Variants in PAG1 observed in about 807,000 individuals in gnomAD.
PAG1 encodes the protein phosphoprotein membrane anchor with glycosphingolipid microdomains 1, also known as phosphoprotein associated with glycosphingolipid-enriched microdomains 1.
A neutral mutation model predicts 31.7 loss-of-function variants in PAG1; 23 were observed. The ratio of observed to expected loss-of-function variants is 0.73; its 90% CI spans 0.52 to 1.03. PAG1 has a LOEUF of 1.03. Ranked by LOEUF, PAG1 falls within the 50% of genes least tolerant of loss-of-function variation. The pLI is 0.00. For synonymous variants in PAG1, 214 were observed against 210.3 expected, an observed-to-expected ratio of 1.02 and a Z score of -0.15; for missense variants, 473 against 540.7, an observed-to-expected ratio of 0.87 and a Z score of 1.24.
chr8:81,033,756 T>G (rs1043348120), intron 2 of PAG1, among the ~76,000 whole-genome samples: 1 of 152,204 alleles, frequency 6.6e-6, no homozygotes, highest in East Asian at 1.9e-4. Flanking sequence ...TTGTTCTGGC[T>G]AAAGCCACCC....
chr8:80,985,496 G>T, intron 6 of PAG1, 119 bp from the exon 7 acceptor site: 1 of 1,012,098 alleles, frequency 9.9e-7, no homozygotes, highest in Non-Finnish European at 1.4e-6. Flanking sequence ...TAAGTCTCAG[G>T]CACAAATTAT....
chr8:81,074,254 T>C (rs1563420711), intron 1 of PAG1, among the ~76,000 whole-genome samples: 2 of 151,790 alleles, frequency 1.3e-5, no homozygotes, highest in African/African-American at 4.8e-5. Context: ...CACTCACCAG[T>C]GTAGGTGAAG....
At chr8:80,979,374 G>A (rs1401275665) in intron 8 of PAG1, among the ~76,000 whole-genome samples, 1 of 152,196 alleles carries the variant, frequency 6.6e-6, no homozygotes, top group East Asian at 1.9e-4. Context: ...GCCGCAGTGG[G>A]CTTGAGGGAG....
At position 80,980,468 on chromosome 8, in the gene PAG1, A is replaced by G; in HGVS notation, c.903T>C (p.Ser301=). 1 of 1,608,436 alleles carries G rather than the reference A, an allele frequency of 6.2e-7. No homozygotes were observed. The highest frequency in any genetic ancestry group is 8.5e-7 in the Non-Finnish European group (1 of 1,174,872). ...NKRFSSLSYK[S]REEDPTLTEE... ...CTGTGAGAGTGGGGTCTTCTTCCCG[A>G]GACTTGTATGACAATGAGCTAAATC... Residue 301 remains serine, a synonymous_variant, in exon 8 of 9, where the codon TCT becomes TCC. Transcript: ENST00000220597.
intron 3 of PAG1, 23 bp from the exon 4 acceptor site, chr8:80,993,330 G>A: frequency 8.3e-7 from 1 of 1,203,284 alleles, no homozygotes; most frequent in Admixed American, 2.3e-5. Flanking sequence ...CAGTGCGTTT[G>A]GAGAGTAATT....
intron 3 of PAG1, among the ~76,000 whole-genome samples, chr8:81,021,689 G>A (rs183339053): frequency 1.3e-5 from 2 of 152,030 alleles, no homozygotes; most frequent in African/African-American, 4.8e-5. Context: ...TGTTAATGAA[G>A]TAATCTGTGG....
intron 1 of PAG1, among the ~76,000 whole-genome samples, chr8:81,098,440 T>C (rs1228820742): frequency 6.6e-6 from 1 of 152,178 alleles, no homozygotes; most frequent in African/African-American, 2.4e-5. Flanking sequence ...AAATTTACTC[T>C]AGTGGATTCT....
chr8:81,073,022 C>A (rs949020421), intron 1 of PAG1, among the ~76,000 whole-genome samples: 1 of 152,198 alleles, frequency 6.6e-6, no homozygotes, highest in African/African-American at 2.4e-5. Context: ...GCCTTTCCTT[C>A]ACTTTCAGTA....
intron 1 of PAG1, among the ~76,000 whole-genome samples, chr8:81,082,866 C>T (rs1809291537): frequency 6.6e-6 from 1 of 151,822 alleles, no homozygotes. Context: ...CCTTAGCAGA[C>T]AATTCTAACA....
intron 1 of PAG1, among the ~76,000 whole-genome samples, chr8:81,085,737 AC>A (rs1809340651): frequency 6.6e-6 from 1 of 152,190 alleles, no homozygotes; most frequent in African/African-American, 2.4e-5. Context: ...GGTGCCTGAG[AC>A]CTAAAAATAA....
At chr8:81,000,937 G>A (rs910265394) in intron 3 of PAG1, among the ~76,000 whole-genome samples, 1 of 152,118 alleles carries the variant, frequency 6.6e-6, no homozygotes, top group African/African-American at 2.4e-5. Context: ...TCTCTGCAAT[G>A]ACAATTTCAC....
chr8:80,983,976 A>G (rs1807360757), intron 7 of PAG1, among the ~76,000 whole-genome samples: 1 of 152,232 alleles, frequency 6.6e-6, no homozygotes, highest in South Asian at 2.1e-4. Flanking sequence ...GCCATGAACT[A>G]CGGAAGGTTT....
intron 3 of PAG1, 194 bp downstream of exon 3, chr8:81,029,802 T>G (rs1455117460): frequency 6.6e-6 from 1 of 152,198 alleles, no homozygotes; most frequent in African/African-American, 2.4e-5. Flanking sequence ...GATGGCATTC[T>G]CCTGGTAACA....
chr8:80,999,983 A>G (rs984998271), intron 3 of PAG1, among the ~76,000 whole-genome samples: 3 of 152,190 alleles, frequency 2.0e-5, no homozygotes, highest in Non-Finnish European at 2.9e-5. Context: ...ACTCTGACAG[A>G]ACCCTGAGAT....
intron 2 of PAG1, among the ~76,000 whole-genome samples, chr8:81,045,862 T>C (rs562450031): frequency 6.6e-6 from 1 of 152,232 alleles, no homozygotes; most frequent in Non-Finnish European, 1.5e-5. Context: ...CTGCAGCCTG[T>C]AATGTTTATA....
At position 80,972,161 on chromosome 8, in the gene PAG1, C is replaced by T. The variant is rs1807090894; in HGVS notation, c.*4383G>A. On this transcript the variant is annotated 3_prime_UTR_variant, in exon 9 of 9. Coordinates refer to ENST00000220597, the MANE Select transcript of PAG1 (RefSeq NM_018440.4). ...ATTAACACCAAACATTATACTTTAACTTTTCCCCATTACACAGTACAATAA... is the reference window on the plus strand; with the variant it reads ...ATTAACACCAAACATTATACTTTAATTTTTCCCCATTACACAGTACAATAA... The T allele has an allele frequency of 6.6e-6, 1 of 152,198 alleles. No individual in the cohort carries two copies. The highest frequency in any genetic ancestry group is 1.5e-5 in the Non-Finnish European group (1 of 68,034). 9.4% of individuals were successfully genotyped at this position (152,198 alleles called of 1,614,324 possible). A position where few individuals can be genotyped will look rare whatever the true frequency, so the allele number is the denominator to read the frequency against.
chr8:81,059,571 G>A (rs189509362), intron 2 of PAG1, among the ~76,000 whole-genome samples: 9 of 152,156 alleles, frequency 5.9e-5, no homozygotes, highest in Non-Finnish European at 1.3e-4. Context: ...CAGAGGGTCT[G>A]TAAACTACCT....
intron 3 of PAG1, among the ~76,000 whole-genome samples, chr8:81,014,184 G>C (rs1808033422): frequency 6.6e-6 from 1 of 152,184 alleles, no homozygotes; most frequent in African/African-American, 2.4e-5. Context: ...ATCAAATTTA[G>C]AATATCAAGC....
At chr8:81,092,697 T>C (rs999246766) in intron 1 of PAG1, among the ~76,000 whole-genome samples, 1 of 152,252 alleles carries the variant, frequency 6.6e-6, no homozygotes, top group Admixed American at 6.5e-5. Flanking sequence ...CTCCACCTCA[T>C]ATAGAAAAAA....
Sources: gnomAD v4.1 joint callset for allele counts (sites outside exome capture counted in the v4.1 genomes callset) on GRCh38, gnomAD v4.1.1 for gene constraint, MANE v1.5 for transcripts, NCBI Gene and HGNC (gene_info 2026-07-23, HGNC 2026-07-21) for gene names.